Variants in TAF4 observed in about 807,000 individuals in gnomAD.
TAF4 encodes TATA-box binding protein associated factor 4, also known as transcription initiation factor TFIID subunit 4.
In TAF4, 9 loss-of-function variants were observed where a neutral mutation model predicts 90.3. The observed-to-expected ratio is 0.10, with a 90% confidence interval of 0.06 to 0.17. TAF4 has a LOEUF of 0.17. Ranked by LOEUF, TAF4 falls within the 10% of genes least tolerant of loss-of-function variation. The pLI is 1.00. For synonymous variants in TAF4, 818 were observed against 638.9 expected (o/e 1.28, Z -4.23); for missense variants, 1,351 against 1,370.7 (o/e 0.99, Z 0.23).
In TAF4 at chr20:62,065,537, C is replaced by G; in HGVS notation, c.274G>C (p.Ala92Pro). ...CCGCCCCCCGGCCGCGCTCTACCTG[C>G]GGGGGGCGGCTCCGGCGCCGCTCCG... ...APGAAPEPPP[A>P]GRARPGGGGP... is the part of the protein sequence containing the mutation. The change falls in exon 1 of 15, where the codon GCA (alanine) becomes CCA (proline). Residue 92 changes from alanine to proline, a missense_variant. Coordinates refer to ENST00000252996, the MANE Select transcript of TAF4 (RefSeq NM_003185.4). The G allele has an allele frequency of 1.0e-6, 1 of 977,328 alleles. No individual in the cohort carries two copies. The highest frequency in any genetic ancestry group is 1.2e-6 in the Non-Finnish European group (1 of 826,476). 60.5% of individuals were successfully genotyped at this position (977,328 alleles called of 1,614,324 possible).
intron 1 of TAF4, among the ~76,000 whole-genome samples, chr20:62,029,976 AGAAG>A (rs2055895677): frequency 6.6e-6 from 1 of 152,186 alleles, no homozygotes; most frequent in Admixed American, 6.5e-5. Flanking sequence ...GGGCTGGGCC[AGAAG>A]GAAGAACAGT....
chr20:61,986,779 G>T (rs1004458406), intron 14 of TAF4, among the ~76,000 whole-genome samples: 2 of 152,264 alleles, frequency 1.3e-5, no homozygotes, highest in East Asian at 3.8e-4. Flanking sequence ...GCTAATATAA[G>T]TAAGTAACTG....
At chr20:62,053,479 G>T (rs1235441836) in intron 1 of TAF4, among the ~76,000 whole-genome samples, 1 of 152,238 alleles carries the variant, frequency 6.6e-6, no homozygotes, top group African/African-American at 2.4e-5. Flanking sequence ...CATCTGAACA[G>T]AGAAGATGCC....
At chr20:62,022,893 A>T (rs2055851703) in intron 1 of TAF4, among the ~76,000 whole-genome samples, 1 of 146,008 alleles carries the variant, frequency 6.8e-6, no homozygotes, top group Non-Finnish European at 1.5e-5. Context: ...ATACTATTGT[A>T]AAATCATGAA....
At chr20:62,017,783 G>A (rs2055820573) in intron 1 of TAF4, among the ~76,000 whole-genome samples, 1 of 151,478 alleles carries the variant, frequency 6.6e-6, no homozygotes, top group South Asian at 2.1e-4. Context: ...GCAGTGAGCC[G>A]AGATTGCACC....
At chr20:62,063,933 G>A (rs1036681511) in intron 1 of TAF4, among the ~76,000 whole-genome samples, 2 of 152,248 alleles carry the variant, frequency 1.3e-5, no homozygotes, top group African/African-American at 2.4e-5. Context: ...CTCGCCTGGA[G>A]ACTGAAGAGG....
intron 1 of TAF4, among the ~76,000 whole-genome samples, chr20:62,055,637 C>T (rs2056059158): frequency 6.6e-6 from 1 of 152,322 alleles, no homozygotes; most frequent in South Asian, 2.1e-4. Context: ...CTACAATCTA[C>T]ACGGGGGACC....
chr20:62,003,094 G>C lies in TAF4; in HGVS notation c.2486+66C>G, dbSNP rs2055717699. On this transcript the variant is annotated intron_variant, in intron 9 of 14. Transcript: ENST00000252996. ...AAGACCCGTGGGCGGGAATGGAGCA[G>C]CACGGACTCTGGACTCTTCTCCGCT... 12 of 1,409,422 alleles carry C rather than the reference G, an allele frequency of 8.5e-6. No homozygotes were observed. The South Asian group carries it at 1.2e-4, about 14-fold the overall frequency. The allele number at this position is 1,409,422 out of a possible 1,614,324, so 87.3% of individuals were successfully genotyped here.
At chr20:62,061,888 A>G (rs2056090716) in intron 1 of TAF4, among the ~76,000 whole-genome samples, 1 of 152,198 alleles carries the variant, frequency 6.6e-6, no homozygotes, top group Admixed American at 6.5e-5. Context: ...CAGCTACCTA[A>G]ACCAAATTCA....
intron 4 of TAF4, 56 bp downstream of exon 4, chr20:62,009,990 T>C: frequency 1.2e-6 from 2 of 1,605,072 alleles, no homozygotes; most frequent in Non-Finnish European, 1.7e-6. Context: ...CTGCATTTTC[T>C]GACCTGCGCC....
At chr20:62,024,232 G>C (rs984372442) in intron 1 of TAF4, among the ~76,000 whole-genome samples, 1 of 152,202 alleles carries the variant, frequency 6.6e-6, no homozygotes. Flanking sequence ...CAACTGGACA[G>C]ACACAGGCAA....
intron 1 of TAF4, among the ~76,000 whole-genome samples, chr20:62,040,259 G>T (rs1455169185): frequency 6.6e-6 from 1 of 152,210 alleles, no homozygotes; most frequent in African/African-American, 2.4e-5. Context: ...CTGCGGTCCA[G>T]CCGCACACCA....
intron 1 of TAF4, among the ~76,000 whole-genome samples, chr20:62,043,040 CGCT>C (rs2055973040): frequency 6.6e-6 from 1 of 152,136 alleles, no homozygotes; most frequent in Non-Finnish European, 1.5e-5. Flanking sequence ...GAAAAAAGCT[CGCT>C]GGGCGTGGTG....
intron 14 of TAF4, among the ~76,000 whole-genome samples, chr20:61,990,380 C>T (rs970130243): frequency 1.5e-4 from 23 of 152,304 alleles, no homozygotes; most frequent in African/African-American, 5.3e-4. Context: ...TTCTGGAAGA[C>T]GATGACAGGG....
At chr20:62,001,982 G>A (rs567143228) in intron 9 of TAF4, among the ~76,000 whole-genome samples, 10 of 152,220 alleles carry the variant, frequency 6.6e-5, no homozygotes, top group Non-Finnish European at 1.5e-4. Context: ...AGAAACTTAC[G>A]GCAAGACCCA....
At chr20:62,046,129 A>C (rs1041675928) in intron 1 of TAF4, among the ~76,000 whole-genome samples, 1 of 152,180 alleles carries the variant, frequency 6.6e-6, no homozygotes, top group Non-Finnish European at 1.5e-5. Flanking sequence ...ATGAGACACA[A>C]ATGACAACCA....
At chr20:62,064,257 G>T in intron 1 of TAF4, 194 bp downstream of exon 1, 1 of 520,862 alleles carries the variant, frequency 1.9e-6, no homozygotes, top group Non-Finnish European at 3.0e-6. Flanking sequence ...AGGCTATGCC[G>T]ACTCCCTCTG....
intron 1 of TAF4, among the ~76,000 whole-genome samples, chr20:62,032,142 C>G (rs1156282621): frequency 6.6e-6 from 1 of 152,214 alleles, no homozygotes; most frequent in African/African-American, 2.4e-5. Context: ...AACTTAAAAA[C>G]AGTTAGTGAA....
chr20:62,026,780 G>C (rs765100033), intron 1 of TAF4, among the ~76,000 whole-genome samples: 32 of 152,244 alleles, frequency 2.1e-4, no homozygotes, highest in Non-Finnish European at 3.4e-4. Context: ...CGCCCCGTGA[G>C]TGGAGAGCTG....
Sources: allele counts gnomAD v4.1 joint callset (sites outside exome capture counted in the v4.1 genomes callset), GRCh38; gene constraint gnomAD v4.1.1; transcripts MANE v1.5; gene names NCBI Gene and HGNC (gene_info 2026-07-23, HGNC 2026-07-21).